The following SCUBE2 variants were observed in gnomAD, a reference collection of about 807,000 sequenced individuals.
SCUBE2 encodes the protein signal peptide, CUB and EGF-like domain-containing protein 2.
SCUBE2 carries 114 observed loss-of-function variants against 125.9 expected under a neutral mutation model. The ratio of observed to expected loss-of-function variants is 0.91; its 90% CI spans 0.78 to 1.06. The LOEUF (loss-of-function observed/expected upper bound fraction) is 1.06. SCUBE2 is among the 50% of genes least tolerant of loss of function. The pLI, the probability that SCUBE2 is intolerant of heterozygous loss-of-function variation, is 0.00. For synonymous variants in SCUBE2, 459 were observed against 492.9 expected, an observed-to-expected ratio of 0.93 and a Z score of 0.91; for missense variants, 1,255 against 1,301.8, an observed-to-expected ratio of 0.96 and a Z score of 0.55.
At chr11:9,040,081 G>C (rs1857081080) in intron 16 of SCUBE2, among the ~76,000 whole-genome samples, 2 of 152,126 alleles carry the variant, frequency 1.3e-5, no homozygotes, top group Admixed American at 1.3e-4. Context: ...GGGCCCGTGG[G>C]TGCATCTTCT....
intron 1 of SCUBE2, among the ~76,000 whole-genome samples, chr11:9,090,129 C>T (rs1445313801): frequency 6.6e-6 from 1 of 152,186 alleles, no homozygotes; most frequent in African/African-American, 2.4e-5. Context: ...CAAGTGCTCG[C>T]ATATGTATGG....
chr11:9,065,167 C>T (rs6486126), intron 7 of SCUBE2: 116,876 of 151,964 alleles, frequency 0.77, 45,506 homozygotes, highest in East Asian at 0.89. Flanking sequence ...ATATTATTAT[C>T]TTAATTGAGC....
At chr11:9,088,579 CAT>C (rs1013793118) in intron 2 of SCUBE2, among the ~76,000 whole-genome samples, 4 of 152,230 alleles carry the variant, frequency 2.6e-5, no homozygotes, top group African/African-American at 9.6e-5. Context: ...CTTTCTTACT[CAT>C]TGTGTAGCTT....
Position 9,025,718 on chromosome 11 carries a change from T to G in SCUBE2, c.2838A>C (p.Pro946=), listed in dbSNP as rs755766562. 7.4e-6 allele frequency: 12 copies of G among 1,614,200 alleles called. No homozygotes were observed. The East Asian group carries it at 2.7e-4, about 36-fold the overall frequency. The part of the protein sequence containing the change: ...EGNSARGFQV[P]YVTYDEDYQE... Reference sequence around the variant, plus strand: ...TGTGCTTACCATCATATGTCACGTATGGGACCTGGAACCCTCTAGCGCTGT... The same window carrying G: ...TGTGCTTACCATCATATGTCACGTAGGGGACCTGGAACCCTCTAGCGCTGT... Residue 946 remains proline (P), a synonymous_variant, in exon 21 of 23, where the codon CCA becomes CCC. Coordinates refer to ENST00000649792, the MANE Select transcript of SCUBE2 (RefSeq NM_001367977.2).
chr11:9,053,990 CTTTTTT>C (rs11474890), intron 10 of SCUBE2, among the ~76,000 whole-genome samples: 37 of 75,050 alleles, frequency 4.9e-4, no homozygotes, highest in African/African-American at 2.1e-3. Flanking sequence ...AAGCTCCACT[CTTTTTT>C]TTTTTTTTTT....
chr11:9,065,767 G>C (rs542073815), intron 7 of SCUBE2, 124 bp downstream of exon 7: 8 of 733,162 alleles, frequency 1.1e-5, no homozygotes, highest in Non-Finnish European at 1.9e-5. Context: ...TGGTTCACAG[G>C]AGCTGCTCAC....
chr11:9,049,016 T>A (rs2135416133), intron 14 of SCUBE2, among the ~76,000 whole-genome samples: 1 of 152,346 alleles, frequency 6.6e-6, no homozygotes, highest in East Asian at 1.9e-4. Flanking sequence ...ACTGAACAGA[T>A]TCTCATTTTA....
At chr11:9,034,749 G>A (rs955357920) in intron 16 of SCUBE2, among the ~76,000 whole-genome samples, 2 of 152,162 alleles carry the variant, frequency 1.3e-5, no homozygotes, top group Non-Finnish European at 2.9e-5. Context: ...AGAAGGCCAA[G>A]GTGGGCGGAT....
intron 16 of SCUBE2, among the ~76,000 whole-genome samples, chr11:9,039,532 G>A (rs1048949579): frequency 2.0e-5 from 3 of 152,176 alleles, no homozygotes; most frequent in Admixed American, 1.3e-4. Context: ...ATCCAAGTGC[G>A]GACACTAGGA....
At position 9,065,884 on chromosome 11, in the gene SCUBE2, T is replaced by C. The variant is rs753673903; in HGVS notation, c.850+7A>G. The C allele has an allele frequency of 2.5e-6, 4 of 1,612,582 alleles. No individual in the cohort carries two copies. Among genetic ancestry groups the C allele is most frequent in the Admixed American group, 1.7e-5 (1 of 59,996 alleles). On this transcript the variant is annotated splice_region_variant and intron_variant, in intron 7 of 22. Coordinates refer to ENST00000649792, the MANE Select transcript of SCUBE2 (RefSeq NM_001367977.2). ...AGTGGCCAAGGAAAGGGAGTGAAGG[T>C]GCCTACCCATGAGCAGCCGCCGTTT...
intron 20 of SCUBE2, 88 bp downstream of exon 20, chr11:9,027,276 G>A (rs1191126168): frequency 4.6e-6 from 6 of 1,293,462 alleles, no homozygotes; most frequent in South Asian, 1.3e-5. Context: ...TGACGTTCTA[G>A]GCCTGCCTCC....
chr11:9,027,663 A>G (rs2135082505), intron 19 of SCUBE2, 102 bp from the exon 20 acceptor site: 1 of 972,604 alleles, frequency 1.0e-6, no homozygotes, highest in Non-Finnish European at 1.5e-6. Context: ...CCACCCAGGA[A>G]TGGGGCATGA....
Position 9,052,510 on chromosome 11 carries a change from C to T in SCUBE2, c.1534+236G>A, listed in dbSNP as rs1038732509. Among the ~76,000 whole-genome samples the T allele has an allele frequency of 3.9e-5, 6 of 152,228 alleles. No homozygotes were observed. In the South Asian group the frequency reaches 8.3e-4, roughly 21 times the overall value. ...TGGGCCTCTGCCCAGGGTGATGACC[C>T]ACCAGGGCTGACCACAGCCTCCTGA... On this transcript the variant is annotated intron_variant, in intron 13 of 22. Transcript: ENST00000649792.
rs368077986 is a variant in SCUBE2 at position 9,025,704 on chromosome 11, T to C, written c.2852A>G (p.Asp951Gly). Reference sequence around the variant, plus strand: ...CATGTGCTGCAGGCTGTGCTTACCATCATATGTCACGTATGGGACCTGGAA... The same window carrying C: ...CATGTGCTGCAGGCTGTGCTTACCACCATATGTCACGTATGGGACCTGGAA... Reference protein sequence around the residue: ...RGFQVPYVTYDEDYQELIEDI... With the variant: ...RGFQVPYVTYGEDYQELIEDI... Residue 951 changes from aspartate to glycine, a missense_variant and splice_region_variant, in exon 21 of 23, where the codon GAT (aspartate) becomes GGT (glycine). Coordinates refer to ENST00000649792, the MANE Select transcript of SCUBE2 (RefSeq NM_001367977.2). The C allele has an allele frequency of 1.9e-6, 3 of 1,614,016 alleles. No homozygotes were observed. In the East Asian group the frequency reaches 6.7e-5, roughly 36 times the overall value.
chr11:9,032,957 C>T (rs540170953), intron 17 of SCUBE2, among the ~76,000 whole-genome samples: 5 of 152,270 alleles, frequency 3.3e-5, no homozygotes, highest in African/African-American at 1.2e-4. Context: ...ACTCCAAGGA[C>T]AGCCGTGGGA....
chr11:9,033,535 G>A, intron 17 of SCUBE2, 91 bp downstream of exon 17: 2 of 1,437,390 alleles, frequency 1.4e-6, no homozygotes, highest in South Asian at 1.3e-5. Context: ...CCCCGGGTGA[G>A]TGTGCATTGT....
In SCUBE2 at chr11:9,030,884, G is replaced by T; in HGVS notation, c.2215C>A (p.Pro739Thr). ...GTGCCCAGGGCACAGAGCTGGCAAG[G>T]TGCAAAGCCATCTGCAGAATATTCA... ...PGEYSADGFA[P>T]CQLCALGTFQ... Residue 739 changes from proline (P) to threonine (T), a missense_variant, in exon 18 of 23, where the codon CCT becomes ACT. Pro to Thr is a conservative substitution (Grantham distance 38, BLOSUM62 -1). This residue lies in a region of SCUBE2 where 515 missense variants were observed against 515.7 expected (regional missense o/e 1.00). Coordinates refer to ENST00000649792, the MANE Select transcript of SCUBE2 (RefSeq NM_001367977.2). The T allele has an allele frequency of 6.2e-7, 1 of 1,614,170 alleles. No individual in the cohort carries two copies. Among genetic ancestry groups the T allele is most frequent in the Non-Finnish European group, 8.5e-7 (1 of 1,180,014 alleles).
intron 21 of SCUBE2, among the ~76,000 whole-genome samples, chr11:9,022,181 G>T (rs1231986956): frequency 6.6e-6 from 1 of 151,974 alleles, no homozygotes; most frequent in East Asian, 1.9e-4. Context: ...TCTTCCCTCA[G>T]ACGAGCCTCT....
intron 22 of SCUBE2, 113 bp downstream of exon 22, chr11:9,021,763 G>A (rs1474029077): frequency 7.7e-6 from 6 of 782,064 alleles, no homozygotes; most frequent in Non-Finnish European, 1.3e-5. Context: ...CTTGGCCCAG[G>A]ACAGGCTCCG....
Sources: allele counts gnomAD v4.1 joint callset (sites outside exome capture counted in the v4.1 genomes callset), GRCh38; gene constraint gnomAD v4.1.1; regional missense constraint gnomAD v4.1.1; transcripts MANE v1.5; gene names NCBI Gene and HGNC (gene_info 2026-07-23, HGNC 2026-07-21).